The following LEPR variants were observed in gnomAD, a reference collection of about 807,000 sequenced individuals.
The protein encoded by LEPR is OB receptor.
LEPR carries 56 observed loss-of-function variants against 114.7 expected under a neutral mutation model. That is an observed-to-expected ratio of 0.49 (90% CI 0.39 to 0.61). The LOEUF is 0.61. Among genes scored for constraint, LEPR ranks in the 20% least tolerant of loss-of-function variants. The probability of loss-of-function intolerance (pLI) is 0.00; values close to 1 mark genes in which losing one functional copy is unlikely to be tolerated. For missense variants in LEPR, 1,202 were observed against 1,352.9 expected (o/e 0.89, Z 1.75); for synonymous variants, 443 against 461.4 (o/e 0.96, Z 0.51).
rs952476005 is a variant in LEPR at position 65,639,908 on chromosome 1, T to C, written c.*2893T>C. 5 of 152,112 alleles carry C rather than the reference T, an allele frequency of 3.3e-5. No individual in the cohort carries two copies. The highest frequency in any genetic ancestry group is 7.4e-5 in the Non-Finnish European group (5 of 68,018). 9.4% of individuals were successfully genotyped at this position (152,112 alleles called of 1,614,324 possible). On this transcript the variant is annotated 3_prime_UTR_variant, in exon 20 of 20. Coordinates refer to ENST00000349533, the MANE Select transcript of LEPR (RefSeq NM_002303.6). ...GAATAGGCACCTTCTGTTGGATCTC[T>C]GTGTCCATTTAGAGATGAGCTACAA...
In LEPR at chr1:65,505,548, T is replaced by A. The variant is rs137945627; in HGVS notation, c.-20-59998T>A. Among the ~76,000 whole-genome samples, 50 of 152,246 alleles carry A rather than the reference T, an allele frequency of 3.3e-4. No homozygotes were observed. In the East Asian group the frequency reaches 8.9e-3, roughly 27 times the overall value. On this transcript the variant is annotated intron_variant, in intron 2 of 19. Coordinates refer to ENST00000349533, the MANE Select transcript of LEPR (RefSeq NM_002303.6). ...GATTTCCAGTTAGGTTTAGGCAAGA[T>A]GGAGGAGACAGGTATCATCGTTTTA... is the stretch of plus-strand genomic sequence containing the variant.
chr1:65,438,548 CAAAAAAAA>C lies in LEPR; in HGVS notation c.-21+13187_-21+13194del, dbSNP rs1159617552. ...CTGGCGACAGAGCGAGACTCTGTCT[CAAAAAAAA>C]AAAAAAAAAAAAAAAAGACAGTTGA... On this transcript the variant is annotated intron_variant, in intron 2 of 19. Coordinates refer to ENST00000349533, the MANE Select transcript of LEPR (RefSeq NM_002303.6). Among the ~76,000 whole-genome samples, 8 of 67,794 alleles carry C rather than the reference CAAAAAAAA, an allele frequency of 1.2e-4. 1 individual carries two copies. The highest frequency in any genetic ancestry group is 4.7e-4 in the African/African-American group (8 of 17,124). The allele number at this position is 67,794 out of a possible 152,430, so 44.5% of individuals were successfully genotyped here. A position where few individuals can be genotyped will look rare whatever the true frequency, so the allele number is the denominator to read the frequency against.
chr1:65,592,608 CAGTATTTTCATATCT>C, intron 5 of LEPR, 34 bp from the exon 6 acceptor site: 2 of 1,591,494 alleles, frequency 1.3e-6, no homozygotes, highest in Non-Finnish European at 1.7e-6. Context: ...AAAGCCTATC[CAGTATTTTCATATCT>C]GTTTTAATAT....
chr1:65,451,052 T>C (rs1404134951), intron 2 of LEPR, among the ~76,000 whole-genome samples: 1 of 150,664 alleles, frequency 6.6e-6, no homozygotes, highest in African/African-American at 2.4e-5. Context: ...TTTTCATGTG[T>C]TTTTTGGCTG....
intron 6 of LEPR, 42 bp downstream of exon 6, chr1:65,592,907 A>G: frequency 6.2e-7 from 1 of 1,602,954 alleles, no homozygotes; most frequent in Non-Finnish European, 8.5e-7. Flanking sequence ...TCTAAACATC[A>G]GTCATATATA....
chr1:65,422,628 C>T (rs1212480064), intron 1 of LEPR, among the ~76,000 whole-genome samples: 4 of 152,236 alleles, frequency 2.6e-5, no homozygotes, highest in Non-Finnish European at 4.4e-5. Context: ...AATGTGGCTT[C>T]CCTTGGCAAG....
At chr1:65,424,876 A>C (rs1646328394) in intron 1 of LEPR, among the ~76,000 whole-genome samples, 1 of 152,178 alleles carries the variant, frequency 6.6e-6, no homozygotes, top group Non-Finnish European at 1.5e-5. Context: ...TTATCTCCCA[A>C]AGGTCCACCT....
At chr1:65,579,597 A>G (rs1009629722) in intron 5 of LEPR, among the ~76,000 whole-genome samples, 9 of 152,202 alleles carry the variant, frequency 5.9e-5, no homozygotes, top group African/African-American at 2.2e-4. Context: ...ATTCCTTTGC[A>G]TAGTAGTACC....
intron 12 of LEPR, among the ~76,000 whole-genome samples, chr1:65,609,400 C>A (rs1281373336): frequency 6.6e-6 from 1 of 152,228 alleles, no homozygotes; most frequent in African/African-American, 2.4e-5. Context: ...CAAACAGAGT[C>A]ATTCCCGTAG....
chr1:65,553,667 C>G (rs1464278199), intron 2 of LEPR, among the ~76,000 whole-genome samples: 1 of 152,028 alleles, frequency 6.6e-6, no homozygotes, highest in African/African-American at 2.4e-5. Flanking sequence ...GAACATGCTT[C>G]TTTAGCTCAA....
chr1:65,518,913 C>CTTTCTT (rs1557636361), intron 2 of LEPR, among the ~76,000 whole-genome samples: 1 of 79,552 alleles, frequency 1.3e-5, no homozygotes, highest in African/African-American at 4.0e-5. Flanking sequence ...TTCTTTCTTT[C>CTTTCTT]TTTCTCTCTT....
intron 19 of LEPR, 88 bp from the exon 20 acceptor site, chr1:65,636,103 C>T: frequency 7.0e-7 from 1 of 1,437,980 alleles, no homozygotes; most frequent in Non-Finnish European, 9.7e-7. Context: ...TTATTATTAA[C>T]TTAACACACT....
intron 2 of LEPR, among the ~76,000 whole-genome samples, chr1:65,465,727 T>C (rs1368494199): frequency 6.6e-6 from 1 of 152,218 alleles, no homozygotes; most frequent in African/African-American, 2.4e-5. Flanking sequence ...GGTACATACA[T>C]ATTTAGGATA....
intron 2 of LEPR, chr1:65,429,734 A>T (rs1485135968): frequency 1.3e-6 from 1 of 775,038 alleles, no homozygotes; most frequent in Non-Finnish European, 1.9e-6. Flanking sequence ...ATGTTCTAAT[A>T]TTCACAATTA....
chr1:65,542,252 A>AAC (rs1241422051), intron 2 of LEPR, among the ~76,000 whole-genome samples: 1 of 152,056 alleles, frequency 6.6e-6, no homozygotes, highest in Non-Finnish European at 1.5e-5. Flanking sequence ...TGTATATTTC[A>AAC]ACATAGGCTT....
At chr1:65,543,891 CAGTT>C (rs1037522164) in intron 2 of LEPR, among the ~76,000 whole-genome samples, 1 of 151,934 alleles carries the variant, frequency 6.6e-6, no homozygotes, top group African/African-American at 2.4e-5. Flanking sequence ...AGTTTGAAGT[CAGTT>C]AGTGTGATGC....
At chr1:65,634,081 A>G in intron 19 of LEPR, 1 of 985,302 alleles carries the variant, frequency 1.0e-6, no homozygotes, top group Non-Finnish European at 1.2e-6. Context: ...CATGGTGAGG[A>G]CAGAACTTTT....
In LEPR at chr1:65,633,706, T is replaced by G. The variant is rs1658612899; in HGVS notation, c.2674-2485T>G. The stretch of plus-strand genomic sequence containing the variant: ...CACGTCAGCCTAAAAATCAGCCTAT[T>G]CGGGTGTTCTTTTGAATATCTCCTG... On this transcript the variant is annotated intron_variant, in intron 19 of 19. Transcript: ENST00000349533. The surrounding 1 kb of genome is among the most constrained non-coding windows in gnomAD (Gnocchi z 4.1). 1.0e-6 allele frequency: 1 copy of G among 985,362 alleles called. No homozygotes were observed. The highest frequency in any genetic ancestry group is 1.2e-6 in the Non-Finnish European group (1 of 829,954). 61.0% of individuals were successfully genotyped at this position (985,362 alleles called of 1,614,324 possible). A position where few individuals can be genotyped will look rare whatever the true frequency, so the allele number is the denominator to read the frequency against.
At chr1:65,426,997 C>CA (rs55809705) in intron 2 of LEPR, among the ~76,000 whole-genome samples, 197 of 137,300 alleles carry the variant, frequency 1.4e-3, no homozygotes, top group Non-Finnish European at 2.0e-3. Context: ...ACTTTGTCTC[C>CA]AAAAAAAAAA....
Sources: gnomAD v4.1 joint callset for allele counts (sites outside exome capture counted in the v4.1 genomes callset) on GRCh38, gnomAD v4.1.1 for gene constraint, Gnocchi (gnomAD v3.1) non-coding constraint, MANE v1.5 for transcripts, NCBI Gene and HGNC (gene_info 2026-07-23, HGNC 2026-07-21) for gene names.